Variants in BMPR1A observed in about 807,000 individuals in gnomAD.
The protein encoded by BMPR1A is bone morphogenetic protein receptor type-1A.
Under a neutral mutation model 66.0 loss-of-function variants are expected in BMPR1A, and 7 were observed. The observed-to-expected ratio is 0.11, with a 90% CI of 0.06 to 0.20. The LOEUF (loss-of-function observed/expected upper bound fraction) is 0.20. Among genes scored for constraint, BMPR1A ranks in the 10% least tolerant of loss-of-function variants. The pLI is 1.00. For synonymous variants in BMPR1A, 200 were observed against 229.7 expected (o/e 0.87, Z 1.17); for missense variants, 408 against 669.1 (o/e 0.61, Z 4.31).
At chr10:86,852,980 GT>G (rs1222869976) in intron 2 of BMPR1A, among the ~76,000 whole-genome samples, 4 of 152,082 alleles carry the variant, frequency 2.6e-5, no homozygotes, top group African/African-American at 9.7e-5. Flanking sequence ...GCTGAAAGTT[GT>G]TTTTTATGAA....
intron 2 of BMPR1A, among the ~76,000 whole-genome samples, chr10:86,842,354 A>G (rs1431451080): frequency 2.0e-5 from 3 of 152,200 alleles, no homozygotes; most frequent in African/African-American, 7.2e-5. Context: ...TGTTTTCCAT[A>G]CTCACAGAAG....
chr10:86,766,612 T>C (rs978471769), intron 1 of BMPR1A, among the ~76,000 whole-genome samples: 5 of 131,338 alleles, frequency 3.8e-5, no homozygotes. Flanking sequence ...CATAATCATA[T>C]CAGTCTTTTT....
chr10:86,808,939 C>A (rs961491111), intron 1 of BMPR1A, among the ~76,000 whole-genome samples: 5 of 152,112 alleles, frequency 3.3e-5, no homozygotes, highest in African/African-American at 1.2e-4. Flanking sequence ...CAGTTATCTT[C>A]CCTGAATGTT....
intron 1 of BMPR1A, among the ~76,000 whole-genome samples, chr10:86,809,449 C>A (rs1841937065): frequency 6.6e-6 from 1 of 151,956 alleles, no homozygotes; most frequent in South Asian, 2.1e-4. Context: ...GCCATCACAC[C>A]TAGCTAATTT....
chr10:86,808,551 A>G lies in BMPR1A; in HGVS notation c.-267-30314A>G, dbSNP rs1042730310. Among the ~76,000 whole-genome samples, 4 of 152,206 alleles carry G rather than the reference A, an allele frequency of 2.6e-5. No individual in the cohort carries two copies. The East Asian group carries it at 5.8e-4, about 22-fold the overall frequency. ...CGAAAGAGTTAAGAGATTTGAAGCA[A>G]TGGCCTGAGTTTGAATCCTAGTTCT... is the stretch of plus-strand genomic sequence containing the variant. On this transcript the variant is annotated intron_variant, in intron 1 of 12. Coordinates refer to ENST00000372037, the MANE Select transcript of BMPR1A (RefSeq NM_004329.3).
intron 2 of BMPR1A, among the ~76,000 whole-genome samples, chr10:86,857,751 C>CAAA (rs1207331757): frequency 2.4e-4 from 21 of 87,062 alleles, no homozygotes; most frequent in African/African-American, 7.3e-4. Context: ...TCTAGTGATC[C>CAAA]AAAAAAAAAA....
Position 86,899,910 on chromosome 10 carries a change from T to A in BMPR1A, c.430+20T>A, listed in dbSNP as rs1404317235. 4.3e-6 allele frequency: 7 copies of A among 1,612,044 alleles called. No homozygotes were observed. Among genetic ancestry groups the A allele is most frequent in the Non-Finnish European group, 5.9e-6 (7 of 1,178,210 alleles). On this transcript the variant is annotated intron_variant, in intron 6 of 12. Transcript: ENST00000372037. ...TCATAGGTAGGTTAGCCGAGAAAAGTCGGAGCATGCTTCTCAAATATCTTC... is the reference window on the plus strand; with the variant it reads ...TCATAGGTAGGTTAGCCGAGAAAAGACGGAGCATGCTTCTCAAATATCTTC...
intron 1 of BMPR1A, among the ~76,000 whole-genome samples, chr10:86,780,723 G>A: frequency 6.6e-6 from 1 of 151,456 alleles, no homozygotes; most frequent in East Asian, 2.0e-4. Flanking sequence ...GTGAGCGTGA[G>A]CCACCACGCC....
At chr10:86,841,291 A>G (rs895207914) in intron 2 of BMPR1A, among the ~76,000 whole-genome samples, 2 of 152,246 alleles carry the variant, frequency 1.3e-5, no homozygotes, top group Admixed American at 6.5e-5. Context: ...GAAGTGCTAT[A>G]TTATAATTGA....
chr10:86,909,232 C>T (rs923626404), intron 7 of BMPR1A, among the ~76,000 whole-genome samples: 1 of 152,094 alleles, frequency 6.6e-6, no homozygotes, highest in Non-Finnish European at 1.5e-5. Context: ...TCATATTCCC[C>T]AGTGTAAGGT....
intron 2 of BMPR1A, among the ~76,000 whole-genome samples, chr10:86,868,595 G>A (rs1056427298): frequency 2.0e-5 from 3 of 152,210 alleles, no homozygotes; most frequent in Non-Finnish European, 4.4e-5. Flanking sequence ...GGCGGGGAGG[G>A]ACCCCTGGAA....
At chr10:86,802,988 G>C (rs532442684) in intron 1 of BMPR1A, among the ~76,000 whole-genome samples, 2 of 120,908 alleles carry the variant, frequency 1.7e-5, no homozygotes, top group Non-Finnish European at 3.2e-5. Context: ...CTGGGCGACA[G>C]AGCAAGACCC....
At chr10:86,767,120 C>A (rs1374135577) in intron 1 of BMPR1A, among the ~76,000 whole-genome samples, 1 of 152,138 alleles carries the variant, frequency 6.6e-6, no homozygotes, top group Admixed American at 6.5e-5. Context: ...CCACGCCCGG[C>A]CATATCAGTC....
At chr10:86,877,967 T>C (rs146934395) in intron 3 of BMPR1A, among the ~76,000 whole-genome samples, 1 of 152,360 alleles carries the variant, frequency 6.6e-6, no homozygotes, top group African/African-American at 2.4e-5. Context: ...AAAGATCTTA[T>C]TAAGAATTAC....
intron 1 of BMPR1A, among the ~76,000 whole-genome samples, chr10:86,781,670 A>G (rs536015827): frequency 1.3e-5 from 2 of 151,656 alleles, no homozygotes; most frequent in Admixed American, 6.6e-5. Context: ...GCAACTCCCT[A>G]TTTCCCTCTC....
At chr10:86,807,456 T>C (rs996832307) in intron 1 of BMPR1A, among the ~76,000 whole-genome samples, 9 of 151,056 alleles carry the variant, frequency 6.0e-5, no homozygotes, top group African/African-American at 2.2e-4. Flanking sequence ...TCATAGCTCA[T>C]TGTAGCCTTG....
intron 7 of BMPR1A, among the ~76,000 whole-genome samples, chr10:86,909,598 A>AG (rs1843447216): frequency 7.2e-6 from 1 of 139,590 alleles, no homozygotes; most frequent in African/African-American, 3.1e-5. Context: ...AAAAAAAAAA[A>AG]GAAAAAAAAG....
At chr10:86,793,192 G>T (rs982752432) in intron 1 of BMPR1A, among the ~76,000 whole-genome samples, 2 of 148,398 alleles carry the variant, frequency 1.3e-5, no homozygotes, top group African/African-American at 5.0e-5. Context: ...TCAGGGCTTT[G>T]TATTTACAGT....
chr10:86,867,119 T>C (rs1342790276), intron 2 of BMPR1A, among the ~76,000 whole-genome samples: 1 of 152,154 alleles, frequency 6.6e-6, no homozygotes, highest in Non-Finnish European at 1.5e-5. Flanking sequence ...CACATTAAAC[T>C]GTTTTTTTCT....
Sources: gnomAD v4.1 joint callset for allele counts (sites outside exome capture counted in the v4.1 genomes callset) on GRCh38, gnomAD v4.1.1 for gene constraint, MANE v1.5 for transcripts, NCBI Gene and HGNC (gene_info 2026-07-23, HGNC 2026-07-21) for gene names.